The following BBS9 variants were observed in gnomAD, a reference collection of about 807,000 sequenced individuals.
BBS9 encodes Bardet-Biedl syndrome 9.
In BBS9, 89 loss-of-function variants were observed where a neutral mutation model predicts 117.7. The ratio of observed to expected loss-of-function variants is 0.76; its 90% CI spans 0.64 to 0.90. The LOEUF (loss-of-function observed/expected upper bound fraction) is 0.90. Among genes scored for constraint, BBS9 ranks in the 40% least tolerant of loss-of-function variants. BBS9 has a pLI of 0.00. For missense variants in BBS9, 982 were observed against 1,042.2 expected, an observed-to-expected ratio of 0.94 and a Z score of 0.80; for synonymous variants, 379 against 370.9, an observed-to-expected ratio of 1.02 and a Z score of -0.25.
Position 33,336,579 on chromosome 7 carries a change from G to A in BBS9, c.1155G>A (p.Met385Ile). 6.2e-7 allele frequency: 1 copy of A among 1,612,778 alleles called. No individual in the cohort carries two copies. The highest frequency in any genetic ancestry group is 8.5e-7 in the Non-Finnish European group (1 of 1,179,220). Residue 385 changes from methionine to isoleucine, a missense_variant, in exon 10 of 23, where the codon ATG becomes ATA. Met to Ile is a conservative substitution (Grantham distance 10). Transcript: ENST00000242067. ...ELNYDELDVE[M>I]KELQKIIKDV... ...ACTATGATGAACTTGATGTAGAAAT[G>A]AAAGAACTTCAGAAAATCATCAAAG...
intron 9 of BBS9, among the ~76,000 whole-genome samples, chr7:33,332,678 A>AAAC (rs147419035): frequency 1.9e-4 from 28 of 150,054 alleles, no homozygotes; most frequent in South Asian, 1.1e-3. Flanking sequence ...CTCCATGTCA[A>AAAC]AACAACAACA....
intron 19 of BBS9, among the ~76,000 whole-genome samples, chr7:33,422,464 G>A (rs1354276430): frequency 6.6e-6 from 1 of 152,154 alleles, no homozygotes; most frequent in African/African-American, 2.4e-5. Flanking sequence ...TTAGTGGTTT[G>A]TGATTACATA....
chr7:33,505,534 T>C lies in BBS9; in HGVS notation c.2187T>C (p.Ser729=). The C allele has an allele frequency of 6.2e-7, 1 of 1,614,120 alleles. No homozygotes were observed. The highest frequency in any genetic ancestry group is 1.1e-5 in the South Asian group (1 of 91,088). Residue 729 remains serine (S), a synonymous_variant, in exon 20 of 23, where the codon AGT becomes AGC. Coordinates refer to ENST00000242067, the MANE Select transcript of BBS9 (RefSeq NM_198428.3). ...TCCAGTCATTCACCAGGCTGAAGAG[T>C]GCCACCCATTTGGTGATTCTGCTGA... ...NLFQSFTRLK[S]ATHLVILLIA...
chr7:33,275,484 C>G (rs1443917409), intron 9 of BBS9, among the ~76,000 whole-genome samples: 1 of 152,130 alleles, frequency 6.6e-6, no homozygotes, highest in Non-Finnish European at 1.5e-5. Context: ...GTAATTCTTG[C>G]AGGAGTCTAT....
Position 33,199,224 on chromosome 7 carries a change from T to C in BBS9, c.442+21633T>C, listed in dbSNP as rs570408897. On this transcript the variant is annotated intron_variant, in intron 5 of 22. Transcript: ENST00000242067. The stretch of plus-strand genomic sequence containing the variant: ...AACCATATTGTTTTGATGTCAATAT[T>C]TAGAATAGATTATCTGTTGGGGAAT... Among the ~76,000 whole-genome samples, 51 of 152,068 alleles carry C rather than the reference T, an allele frequency of 3.4e-4. 1 individual carries two copies. The South Asian group carries it at 0.01, about 31-fold the overall frequency.
At chr7:33,306,833 G>A (rs17170175) in intron 9 of BBS9, among the ~76,000 whole-genome samples, 21,238 of 152,048 alleles carry the variant, frequency 0.14, 1,819 homozygotes, top group Non-Finnish European at 0.18. Context: ...GCATAGAAAT[G>A]CCCCTTCAAA....
chr7:33,522,432 T>C (rs1247251993), intron 20 of BBS9, among the ~76,000 whole-genome samples: 18 of 150,698 alleles, frequency 1.2e-4, no homozygotes, highest in Non-Finnish European at 2.2e-4. Context: ...TTTTAATGAT[T>C]GCCATTCTAA....
intron 19 of BBS9, among the ~76,000 whole-genome samples, chr7:33,458,911 C>T (rs1033916163): frequency 1.3e-5 from 2 of 152,118 alleles, no homozygotes; most frequent in African/African-American, 4.8e-5. Flanking sequence ...AACTGGCAGG[C>T]TGTTGTCCTT....
chr7:33,606,686 T>G (rs1864587615), downstream of BBS9, among the ~76,000 whole-genome samples: 1 of 152,100 alleles, frequency 6.6e-6, no homozygotes, highest in Non-Finnish European at 1.5e-5. Flanking sequence ...TCATTTCATT[T>G]TAATTGTAAA....
intron 5 of BBS9, among the ~76,000 whole-genome samples, chr7:33,221,658 A>G (rs1319715847): frequency 1.3e-5 from 2 of 152,170 alleles, no homozygotes; most frequent in African/African-American, 4.8e-5. Context: ...TCATGTAACT[A>G]AAGATAAAGG....
intron 5 of BBS9, among the ~76,000 whole-genome samples, chr7:33,217,359 T>A (rs970572333): frequency 6.6e-6 from 1 of 152,174 alleles, no homozygotes; most frequent in African/African-American, 2.4e-5. Context: ...TAAGATTATT[T>A]GCAGTTTCTA....
At chr7:33,277,267 G>A (rs1180873618) in intron 9 of BBS9, among the ~76,000 whole-genome samples, 1 of 152,160 alleles carries the variant, frequency 6.6e-6, no homozygotes, top group Admixed American at 6.6e-5. Flanking sequence ...TTAATGTGAC[G>A]AGAAATCACA....
At chr7:33,326,804 C>T (rs6962911) in intron 9 of BBS9, among the ~76,000 whole-genome samples, 17,541 of 151,556 alleles carry the variant, frequency 0.12, 1,228 homozygotes, top group African/African-American at 0.19. Flanking sequence ...AATGGGTACC[C>T]GAGGTCTCTG....
intron 19 of BBS9, among the ~76,000 whole-genome samples, chr7:33,403,421 C>A (rs1168035491): frequency 6.7e-6 from 1 of 149,060 alleles, no homozygotes; most frequent in Non-Finnish European, 1.5e-5. Flanking sequence ...CCCATTAACT[C>A]GTCATTTAGC....
intron 19 of BBS9, among the ~76,000 whole-genome samples, chr7:33,398,877 G>C (rs1828452582): frequency 6.6e-6 from 1 of 152,144 alleles, no homozygotes; most frequent in Non-Finnish European, 1.5e-5. Flanking sequence ...GTAGAGACAG[G>C]CTTTCACCAT....
At chr7:33,143,542 A>G (rs1441572960) in intron 1 of BBS9, among the ~76,000 whole-genome samples, 10 of 152,048 alleles carry the variant, frequency 6.6e-5, no homozygotes, top group South Asian at 6.2e-4. Flanking sequence ...GCATCTTTTC[A>G]TATGCTCCTT....
chr7:33,611,603 T>C (rs1458643581), intron 21 of BBS9, among the ~76,000 whole-genome samples: 1 of 139,164 alleles, frequency 7.2e-6, no homozygotes, highest in Non-Finnish European at 1.5e-5. Context: ...TAATATTATT[T>C]AATTAATTAA....
intron 19 of BBS9, among the ~76,000 whole-genome samples, chr7:33,452,469 C>T (rs1838027145): frequency 6.6e-6 from 1 of 152,150 alleles, no homozygotes; most frequent in African/African-American, 2.4e-5. Flanking sequence ...TGCTGTATAT[C>T]CTCACTTGGA....
chr7:33,527,291 T>A (rs7789001), intron 20 of BBS9, among the ~76,000 whole-genome samples: 6 of 152,260 alleles, frequency 3.9e-5, no homozygotes, highest in South Asian at 2.1e-4. Context: ...TCGAGCTTCC[T>A]GGCTGCTTTG....
Sources: gnomAD v4.1 joint callset for allele counts (sites outside exome capture counted in the v4.1 genomes callset) on GRCh38, gnomAD v4.1.1 for gene constraint, MANE v1.5 for transcripts, NCBI Gene and HGNC (gene_info 2026-07-23, HGNC 2026-07-21) for gene names.